Variants in LMTK2 observed in about 807,000 individuals in gnomAD.
LMTK2 encodes serine/threonine-protein kinase LMTK2.
In LMTK2, 37 loss-of-function variants were observed where a neutral mutation model predicts 127.5. The ratio of observed to expected loss-of-function variants is 0.29; its 90% CI spans 0.22 to 0.38. The LOEUF (loss-of-function observed/expected upper bound fraction) is 0.38. Among genes scored for constraint, LMTK2 ranks in the 10% least tolerant of loss-of-function variants. The probability of loss-of-function intolerance (pLI) is 1.00; values close to 1 mark genes in which losing one functional copy is unlikely to be tolerated. For synonymous variants in LMTK2, 819 were observed against 810.1 expected, an observed-to-expected ratio of 1.01 and a Z score of -0.19; for missense variants, 1,694 against 1,920.3, an observed-to-expected ratio of 0.88 and a Z score of 2.20.
At chr7:98,138,750 C>T (rs1371216865) in intron 2 of LMTK2, among the ~76,000 whole-genome samples, 4 of 152,204 alleles carry the variant, frequency 2.6e-5, no homozygotes, top group African/African-American at 9.6e-5. Context: ...ATCCAGTCTC[C>T]ATCTCACATT....
intron 7 of LMTK2, among the ~76,000 whole-genome samples, chr7:98,178,105 G>T (rs1003166115): frequency 6.6e-6 from 1 of 152,288 alleles, no homozygotes; most frequent in African/African-American, 2.4e-5. Context: ...ATAAAATGGG[G>T]ATCGTCTTTA....
chr7:98,169,491 G>A (rs1797153405), intron 6 of LMTK2, among the ~76,000 whole-genome samples: 1 of 152,220 alleles, frequency 6.6e-6, no homozygotes, highest in Non-Finnish European at 1.5e-5. Flanking sequence ...TTGGTTTTAG[G>A]ATTGGCCAGA....
chr7:98,121,214 A>G (rs1240437783), intron 1 of LMTK2, among the ~76,000 whole-genome samples: 1 of 152,200 alleles, frequency 6.6e-6, no homozygotes, highest in African/African-American at 2.4e-5. Flanking sequence ...ACGGAGACCC[A>G]ACTCCAGCCA....
chr7:98,140,103 TTTC>T (rs1562902484), intron 2 of LMTK2, among the ~76,000 whole-genome samples: 1 of 3,320 alleles, frequency 3.0e-4, no homozygotes, highest in African/African-American at 9.4e-4. Flanking sequence ...TCTTTCTTTC[TTTC>T]TTTCTTTCTT....
At chr7:98,149,343 T>A (rs781531212) in intron 3 of LMTK2, among the ~76,000 whole-genome samples, 2 of 152,194 alleles carry the variant, frequency 1.3e-5, no homozygotes, top group Admixed American at 6.5e-5. Context: ...CAGTGGACTT[T>A]CTCCTGGCTC....
Position 98,209,547 on chromosome 7 carries a change from A to G in LMTK2, c.*4055A>G, listed in dbSNP as rs1396912548. ...TTTTAAATTGTAAGATTTTTACTGT[A>G]TATTGATGCATAGTGTGATTCAATA... is the stretch of plus-strand genomic sequence containing the variant. On this transcript the variant is annotated 3_prime_UTR_variant, in exon 14 of 14. Transcript: ENST00000297293. The G allele has an allele frequency of 1.3e-5, 2 of 152,060 alleles. No individual in the cohort carries two copies. Among genetic ancestry groups the G allele is most frequent in the Admixed American group, 1.3e-4 (2 of 15,288 alleles). 9.4% of individuals were successfully genotyped at this position (152,060 alleles called of 1,614,324 possible).
chr7:98,207,759 T>G lies in LMTK2; in HGVS notation c.*2267T>G, dbSNP rs1371238404. 1 of 152,102 alleles carries G rather than the reference T, an allele frequency of 6.6e-6. No individual in the cohort carries two copies. Among genetic ancestry groups the G allele is most frequent in the Non-Finnish European group, 1.5e-5 (1 of 68,042 alleles). 9.4% of individuals were successfully genotyped at this position (152,102 alleles called of 1,614,324 possible). ...TATACAGTGTCAGCCTCGAGTACAT[T>G]TATTAACCTTTTGGGGCTGTCAGTT... is the stretch of plus-strand genomic sequence containing the variant. On this transcript the variant is annotated 3_prime_UTR_variant, in exon 14 of 14. Transcript: ENST00000297293.
At chr7:98,182,705 C>A (rs1797372416) in intron 7 of LMTK2, among the ~76,000 whole-genome samples, 1 of 152,202 alleles carries the variant, frequency 6.6e-6, no homozygotes, top group South Asian at 2.1e-4. Context: ...AATAGAATTT[C>A]CATGTGATGC....
intron 11 of LMTK2, among the ~76,000 whole-genome samples, chr7:98,197,434 G>A (rs959324274): frequency 7.2e-5 from 11 of 152,318 alleles, no homozygotes; most frequent in East Asian, 1.9e-4. Flanking sequence ...CATCGCATTC[G>A]ACTTTTAGCA....
At chr7:98,122,112 A>G (rs918440756) in intron 1 of LMTK2, among the ~76,000 whole-genome samples, 1 of 152,244 alleles carries the variant, frequency 6.6e-6, no homozygotes, top group Admixed American at 6.5e-5. Context: ...AAGAAGTGTA[A>G]TCATAAACTT....
At chr7:98,114,539 C>T (rs1237840101) in intron 1 of LMTK2, among the ~76,000 whole-genome samples, 3 of 152,156 alleles carry the variant, frequency 2.0e-5, no homozygotes, top group Non-Finnish European at 4.4e-5. Context: ...GCCACTGCAC[C>T]TGGGTAGTTT....
At chr7:98,149,763 C>A (rs1193627724) in intron 3 of LMTK2, among the ~76,000 whole-genome samples, 1 of 152,090 alleles carries the variant, frequency 6.6e-6, no homozygotes, top group Non-Finnish European at 1.5e-5. Context: ...ATAAATTGGA[C>A]CTTTTCAAAA....
intron 3 of LMTK2, among the ~76,000 whole-genome samples, chr7:98,145,524 G>A (rs1445339591): frequency 3.3e-5 from 5 of 152,080 alleles, no homozygotes; most frequent in Non-Finnish European, 5.9e-5. Context: ...TGATTTTTGA[G>A]GATGGTGTTA....
rs527508535 is a variant in LMTK2, at chr7:98,137,004, A to G, written c.104-311A>G. Among the ~76,000 whole-genome samples the G allele has an allele frequency of 3.3e-5, 5 of 152,370 alleles. No homozygotes were observed. The East Asian group carries it at 5.8e-4, about 18-fold the overall frequency. ...CCGAATAAAGCCTGAAGTTCACTTC[A>G]TAGCCTTGTTACCAGTGTTACTGTC... On this transcript the variant is annotated intron_variant, in intron 1 of 13. Coordinates refer to ENST00000297293, the MANE Select transcript of LMTK2 (RefSeq NM_014916.4).
chr7:98,196,145 C>T (rs1227929616), intron 11 of LMTK2, among the ~76,000 whole-genome samples: 4 of 150,948 alleles, frequency 2.6e-5, no homozygotes, highest in Non-Finnish European at 4.4e-5. Context: ...GCCAAGATTG[C>T]ACCACTGCAC....
At chr7:98,122,685 T>C (rs1796379788) in intron 1 of LMTK2, among the ~76,000 whole-genome samples, 1 of 2,826 alleles carries the variant, frequency 3.5e-4, no homozygotes, top group South Asian at 0.031. Context: ...ATGGTGTGTG[T>C]GTGTGTGTGT....
At chr7:98,183,579 G>A (rs1797385646) in intron 7 of LMTK2, among the ~76,000 whole-genome samples, 1 of 151,908 alleles carries the variant, frequency 6.6e-6, no homozygotes, top group Admixed American at 6.6e-5. Flanking sequence ...TAATAGAGAT[G>A]GGATTTCACC....
At chr7:98,142,436 T>G (rs1181458696) in intron 3 of LMTK2, among the ~76,000 whole-genome samples, 1 of 152,142 alleles carries the variant, frequency 6.6e-6, no homozygotes, top group African/African-American at 2.4e-5. Context: ...AAAAACAACC[T>G]GGAGTGTTTA....
intron 8 of LMTK2, 125 bp downstream of exon 8, chr7:98,185,260 G>A: frequency 1.5e-6 from 1 of 667,532 alleles, no homozygotes; most frequent in Non-Finnish European, 2.6e-6. Flanking sequence ...GGGATTTGCA[G>A]CAGTCATTTT....
Sources: allele counts gnomAD v4.1 joint callset (sites outside exome capture counted in the v4.1 genomes callset), GRCh38; gene constraint gnomAD v4.1.1; transcripts MANE v1.5; gene names NCBI Gene and HGNC (gene_info 2026-07-23, HGNC 2026-07-21).